Variants in TANGO6 observed in about 807,000 individuals in gnomAD.
TANGO6 encodes transport and golgi organization 6 homolog.
TANGO6 carries 90 observed loss-of-function variants against 114.2 expected under a neutral mutation model. The observed-to-expected ratio is 0.79, with a 90% CI of 0.66 to 0.94. The LOEUF (loss-of-function observed/expected upper bound fraction) is 0.94, where lower values mean the gene tolerates loss of function less well. Among genes scored for constraint, TANGO6 ranks in the 40% least tolerant of loss-of-function variants. TANGO6 has a pLI of 0.00. For synonymous variants in TANGO6, 477 were observed against 509.8 expected (o/e 0.94, Z 0.87); for missense variants, 1,274 against 1,315.3 (o/e 0.97, Z 0.49).
intron 7 of TANGO6, among the ~76,000 whole-genome samples, chr16:68,882,439 G>T (rs887992174): frequency 6.6e-6 from 1 of 151,992 alleles, no homozygotes; most frequent in Non-Finnish European, 1.5e-5. Flanking sequence ...AGAGCTTGCA[G>T]TGAGCCGAGA....
At chr16:69,071,132 G>A (rs1960293004) in intron 17 of TANGO6, among the ~76,000 whole-genome samples, 1 of 152,072 alleles carries the variant, frequency 6.6e-6, no homozygotes, top group African/African-American at 2.4e-5. Context: ...GGGATATCTG[G>A]ACACTTCCAA....
chr16:68,977,264 G>T (rs1455297701), intron 15 of TANGO6, among the ~76,000 whole-genome samples: 2 of 150,900 alleles, frequency 1.3e-5, no homozygotes, highest in African/African-American at 4.9e-5. Context: ...TTAAATCCTT[G>T]TATCAGTGAA....
rs1466332587 is a variant in TANGO6 at position 68,948,991 on chromosome 16, AGCCT to A, written c.2701+18698_2701+18701del. 2.0e-5 allele frequency among the ~76,000 whole-genome samples: 3 copies of A among 152,116 alleles called. No homozygotes were observed. In the East Asian group the frequency reaches 5.8e-4, roughly 30 times the overall value. ...CACCTGAGGTCGGGAGTTCGAGACC[AGCCT>A]GACCAACATGGAGAAACCCTGTCTC... is the stretch of plus-strand genomic sequence containing the variant. On this transcript the variant is annotated intron_variant, in intron 14 of 17. Transcript: ENST00000261778.
intron 17 of TANGO6, among the ~76,000 whole-genome samples, chr16:69,082,985 T>G: frequency 6.6e-6 from 1 of 151,918 alleles, no homozygotes; most frequent in East Asian, 1.9e-4. Context: ...CCCAAGGCCA[T>G]GTAGCTAGGC....
rs1319228661 is a variant in TANGO6, at chr16:68,914,785, T to C, written c.1993-4300T>C. 4.0e-5 allele frequency among the ~76,000 whole-genome samples: 6 copies of C among 151,578 alleles called. No individual in the cohort carries two copies. The South Asian group carries it at 1.0e-3, about 26-fold the overall frequency. On this transcript the variant is annotated intron_variant, in intron 11 of 17. Transcript: ENST00000261778. ...AGCTGCTGTCCAAATGGGTAGGGGG[T>C]TTTGGGGTTAACACAAAGAATGTTT... is the stretch of plus-strand genomic sequence containing the variant.
intron 15 of TANGO6, among the ~76,000 whole-genome samples, chr16:69,003,099 G>C (rs1050263332): frequency 6.6e-6 from 1 of 152,010 alleles, no homozygotes; most frequent in African/African-American, 2.4e-5. Context: ...AGGACAAGCA[G>C]CTGACACCTC....
At chr16:69,055,684 T>C (rs181428548) in intron 17 of TANGO6, among the ~76,000 whole-genome samples, 1 of 152,310 alleles carries the variant, frequency 6.6e-6, no homozygotes, top group East Asian at 1.9e-4. Context: ...AATAATCCCA[T>C]AGATTTCCTC....
intron 12 of TANGO6, among the ~76,000 whole-genome samples, chr16:68,921,053 A>C (rs1963084611): frequency 7.7e-6 from 1 of 130,686 alleles, no homozygotes; most frequent in Non-Finnish European, 1.6e-5. Flanking sequence ...CAGTGGGCGG[A>C]GGTTGCAGTG....
intron 14 of TANGO6, among the ~76,000 whole-genome samples, chr16:68,960,314 T>TC (rs1963576472): frequency 6.7e-6 from 1 of 149,414 alleles, no homozygotes; most frequent in Admixed American, 6.7e-5. Context: ...TTTTTTTTTT[T>TC]CTGTACGTAC....
chr16:68,866,049 A>C (rs1445799989), intron 3 of TANGO6, among the ~76,000 whole-genome samples: 2 of 152,224 alleles, frequency 1.3e-5, no homozygotes, highest in Non-Finnish European at 2.9e-5. Context: ...AATAACGTTC[A>C]TAAGAATCTT....
intron 15 of TANGO6, among the ~76,000 whole-genome samples, chr16:69,021,198 C>T (rs973574994): frequency 6.6e-6 from 1 of 152,122 alleles, no homozygotes; most frequent in East Asian, 1.9e-4. Flanking sequence ...TGATCTACCC[C>T]ACCTTCCCAT....
intron 1 of TANGO6, among the ~76,000 whole-genome samples, chr16:68,855,939 A>G (rs545931014): frequency 6.6e-6 from 1 of 152,130 alleles, no homozygotes; most frequent in African/African-American, 2.4e-5. Context: ...TATAAAATAA[A>G]ATGTCTTTTT....
At chr16:68,991,435 G>A (rs564439149) in intron 15 of TANGO6, among the ~76,000 whole-genome samples, 1 of 151,850 alleles carries the variant, frequency 6.6e-6, no homozygotes, top group Non-Finnish European at 1.5e-5. Context: ...GGCCAACATG[G>A]TGAAACCCTG....
At chr16:68,964,943 CA>C (rs571332262) in intron 14 of TANGO6, among the ~76,000 whole-genome samples, 58 of 152,162 alleles carry the variant, frequency 3.8e-4, no homozygotes, top group African/African-American at 1.4e-3. Context: ...TCTGTTGATG[CA>C]AATTTGTTTC....
chr16:68,977,115 C>T (rs1453015946), intron 15 of TANGO6, among the ~76,000 whole-genome samples: 3 of 152,094 alleles, frequency 2.0e-5, no homozygotes, highest in African/African-American at 7.2e-5. Flanking sequence ...CACACTGAAT[C>T]CCTCCTTCAT....
In TANGO6 at chr16:68,862,846, G is replaced by A. The variant is rs62055801; in HGVS notation, c.736-99G>A. On this transcript the variant is annotated intron_variant, in intron 2 of 17. Transcript: ENST00000261778. ...AAGAGAGGATAGAAGCCTTCTTTCCGCTCCTCTCACAAGTATCTCTGTACA... is the reference window on the plus strand; with the variant it reads ...AAGAGAGGATAGAAGCCTTCTTTCCACTCCTCTCACAAGTATCTCTGTACA... 60 of 804,234 alleles carry A rather than the reference G, an allele frequency of 7.5e-5. No homozygotes were observed. In the Admixed American group the frequency reaches 1.1e-3, roughly 15 times the overall value. The allele number at this position is 804,234 out of a possible 1,614,324, so 49.8% of individuals were successfully genotyped here. A position where few individuals can be genotyped will look rare whatever the true frequency, so the allele number is the denominator to read the frequency against.
At chr16:68,872,285 G>A (rs1962282974) in intron 4 of TANGO6, among the ~76,000 whole-genome samples, 1 of 151,434 alleles carries the variant, frequency 6.6e-6, no homozygotes. Context: ...GTTTTTTTGG[G>A]GTCTGTTCTA....
intron 14 of TANGO6, among the ~76,000 whole-genome samples, chr16:68,948,024 G>GATATATAT (rs112762612): frequency 0.051 from 7,558 of 147,468 alleles, 248 homozygotes; most frequent in Non-Finnish European, 0.074. Flanking sequence ...CAGTGCAGCT[G>GATATATAT]ATATATATAT....
chr16:68,935,145 T>G (rs927851387), intron 14 of TANGO6, among the ~76,000 whole-genome samples: 3 of 152,204 alleles, frequency 2.0e-5, no homozygotes, highest in African/African-American at 7.2e-5. Flanking sequence ...TGCCTGGGCC[T>G]AAAGCACTAC....
Sources: allele counts gnomAD v4.1 joint callset (sites outside exome capture counted in the v4.1 genomes callset), GRCh38; gene constraint gnomAD v4.1.1; transcripts MANE v1.5; gene names NCBI Gene and HGNC (gene_info 2026-07-23, HGNC 2026-07-21).